Variants in CSMD3 observed in about 807,000 individuals in gnomAD.
CSMD3 encodes CUB and Sushi multiple domains 3.
In CSMD3, 177 loss-of-function variants were observed where a neutral mutation model predicts 435.2. The observed-to-expected ratio is 0.41, with a 90% CI of 0.36 to 0.46. CSMD3 has a LOEUF of 0.46. CSMD3 is among the 20% of genes least tolerant of loss of function. The pLI is 0.34. For synonymous variants in CSMD3, 1,656 were observed against 1,520.5 expected, an observed-to-expected ratio of 1.09 and a Z score of -2.07; for missense variants, 4,265 against 4,504.6, an observed-to-expected ratio of 0.95 and a Z score of 1.52.
chr8:112,503,696 A>T lies in CSMD3; in HGVS notation c.5083+94T>A, dbSNP rs923614761. 7 of 822,660 alleles carry T rather than the reference A, an allele frequency of 8.5e-6. No homozygotes were observed. The Admixed American group carries it at 1.4e-4, about 17-fold the overall frequency. 51.0% of individuals were successfully genotyped at this position (822,660 alleles called of 1,614,324 possible). On this transcript the variant is annotated intron_variant, in intron 30 of 70. Coordinates refer to ENST00000297405, the MANE Select transcript of CSMD3 (RefSeq NM_198123.2). Reference sequence around the variant, plus strand: ...ATCTGCATTTAAAAATACACATAAAACTAACCACTAACAATGGGCCATACC... The same window carrying T: ...ATCTGCATTTAAAAATACACATAAATCTAACCACTAACAATGGGCCATACC...
chr8:112,365,740 A>G (rs890881225), intron 38 of CSMD3, among the ~76,000 whole-genome samples: 10 of 152,148 alleles, frequency 6.6e-5, no homozygotes, highest in African/African-American at 2.4e-4. Context: ...TTACAAATGG[A>G]TAACTCATTT....
rs74433040 is a variant in CSMD3, at chr8:112,727,791, G to A, written c.1973-37741C>T. On this transcript the variant is annotated intron_variant, in intron 13 of 70. Transcript: ENST00000297405. ...ACCCATATCTTATTCAAAATGAAGT[G>A]GAACAGTAAAATACTGTCGGATTCT... 4.1e-3 allele frequency among the ~76,000 whole-genome samples: 616 copies of A among 151,628 alleles called. 3 individuals are homozygous for A. Among genetic ancestry groups the A allele is most frequent in the African/African-American group, 0.014 (584 of 41,410 alleles).
chr8:112,590,582 T>C (rs1310438270), intron 22 of CSMD3, among the ~76,000 whole-genome samples: 2 of 152,124 alleles, frequency 1.3e-5, no homozygotes, highest in Non-Finnish European at 2.9e-5. Flanking sequence ...AGAAATGTTC[T>C]TTCTTAGGTG....
chr8:112,536,322 A>T (rs867477856), intron 27 of CSMD3, among the ~76,000 whole-genome samples: 24 of 152,210 alleles, frequency 1.6e-4, no homozygotes, highest in Admixed American at 1.4e-3. Flanking sequence ...AAACAAATTT[A>T]CAAGAAAAAC....
chr8:113,246,919 G>T (rs2132274443), intron 3 of CSMD3, among the ~76,000 whole-genome samples: 1 of 152,274 alleles, frequency 6.6e-6, no homozygotes, highest in South Asian at 2.1e-4. Context: ...TTGTTTGTGT[G>T]CTGGGATACA....
At chr8:113,360,108 T>C (rs1254960155) in intron 1 of CSMD3, among the ~76,000 whole-genome samples, 1 of 152,202 alleles carries the variant, frequency 6.6e-6, no homozygotes, top group Non-Finnish European at 1.5e-5. Context: ...ACACTTTTAC[T>C]GTATATAGTG....
chr8:113,190,183 G>A (rs927934700), intron 3 of CSMD3, among the ~76,000 whole-genome samples: 35 of 151,708 alleles, frequency 2.3e-4, no homozygotes, highest in African/African-American at 8.2e-4. Context: ...CCTACTGAAC[G>A]CTAAAAATTG....
At chr8:113,248,508 T>C (rs1265778628) in intron 3 of CSMD3, among the ~76,000 whole-genome samples, 1 of 136,340 alleles carries the variant, frequency 7.3e-6, no homozygotes, top group African/African-American at 2.8e-5. Context: ...CACACACATA[T>C]ATTTCCATAT....
intron 21 of CSMD3, 114 bp downstream of exon 21, chr8:112,638,582 A>G (rs1586860567): frequency 2.8e-6 from 2 of 708,568 alleles, no homozygotes; most frequent in African/African-American, 3.6e-5. Context: ...TCTTTTTAAA[A>G]TTTTTCTTCT....
At chr8:112,870,256 G>C (rs1021341866) in intron 10 of CSMD3, among the ~76,000 whole-genome samples, 2 of 150,094 alleles carry the variant, frequency 1.3e-5, no homozygotes, top group Middle Eastern at 3.4e-3. Context: ...ACCATCTCAC[G>C]TCAGTCAGAA....
At chr8:113,404,327 A>G (rs1418295088) in intron 1 of CSMD3, among the ~76,000 whole-genome samples, 1 of 151,462 alleles carries the variant, frequency 6.6e-6, no homozygotes, top group Admixed American at 6.6e-5. Flanking sequence ...TAAGTTGTTT[A>G]AAACAACTTA....
chr8:112,428,768 G>A (rs905983548), intron 32 of CSMD3, among the ~76,000 whole-genome samples: 2 of 152,042 alleles, frequency 1.3e-5, no homozygotes, highest in Admixed American at 1.3e-4. Flanking sequence ...AGGCTCATCT[G>A]TTCCGTGGAT....
In CSMD3 at chr8:113,355,952, A is replaced by G. The variant is rs958606253; in HGVS notation, c.179-41159T>C. Among the ~76,000 whole-genome samples, 5 of 151,144 alleles carry G rather than the reference A, an allele frequency of 3.3e-5. No individual in the cohort carries two copies. The South Asian group carries it at 6.3e-4, about 19-fold the overall frequency. On this transcript the variant is annotated intron_variant, in intron 1 of 70. Transcript: ENST00000297405. ...AGTGGAATTGTATACTTAAAAATGTATGAGTAAACCTTAAAATCATGTTAG... is the reference window on the plus strand; with the variant it reads ...AGTGGAATTGTATACTTAAAAATGTGTGAGTAAACCTTAAAATCATGTTAG...
At position 112,314,459 on chromosome 8, in the gene CSMD3, T is replaced by C. The variant is rs938970754; in HGVS notation, c.7519A>G (p.Lys2507Glu). 1 of 1,611,822 alleles carries C rather than the reference T, an allele frequency of 6.2e-7. No homozygotes were observed. The change falls in exon 48 of 71, where the codon AAG (lysine) becomes GAG (glutamate). Residue 2507 changes from lysine to glutamate, a missense_variant. Around this residue, in one of 3 missense-constraint regions of CSMD3, gnomAD observed 3,255 missense variants for 3,380.2 expected, o/e 0.96. Transcript: ENST00000297405. ...TACACCTGAAGAACATCAAATTCCT[T>C]TTCTGTCTGGAAGAATTCTACAAAC... ...TMFVEFFQTE[K>E]EFDVLQVYDG...
chr8:112,936,118 G>C (rs180910502), intron 9 of CSMD3, among the ~76,000 whole-genome samples: 2 of 152,000 alleles, frequency 1.3e-5, no homozygotes, highest in Middle Eastern at 3.4e-3. Flanking sequence ...AGACTTCCTC[G>C]CTTCTGCTAT....
chr8:112,343,847 C>T (rs1204891881), intron 41 of CSMD3, among the ~76,000 whole-genome samples: 13 of 151,806 alleles, frequency 8.6e-5, no homozygotes, highest in Admixed American at 7.9e-4. Flanking sequence ...CAGAGCCTCA[C>T]TATGTTGCCC....
rs146844220 is a variant in CSMD3 at position 112,305,867 on chromosome 8, G to C, written c.8071+140C>G. The stretch of plus-strand genomic sequence containing the variant: ...TTCTAGTACTTCATTGTACAAGATA[G>C]CTTACTTAACTTTTATTTCTGACTT... On this transcript the variant is annotated intron_variant, in intron 51 of 70. Coordinates refer to ENST00000297405, the MANE Select transcript of CSMD3 (RefSeq NM_198123.2). 6.8e-4 allele frequency: 511 copies of C among 753,274 alleles called. 6 individuals carry two copies. In the East Asian group the frequency reaches 0.01, roughly 15 times the overall value. 46.7% of individuals were successfully genotyped at this position (753,274 alleles called of 1,614,324 possible).
chr8:112,348,334 T>A (rs1825847085), intron 40 of CSMD3, among the ~76,000 whole-genome samples: 1 of 152,246 alleles, frequency 6.6e-6, no homozygotes, highest in African/African-American at 2.4e-5. Context: ...TGTTTTTTCA[T>A]CTTAGTTGTC....
chr8:112,557,275 C>T lies in CSMD3; in HGVS notation c.4043-321G>A, dbSNP rs528349798. ...GATTCTGAGTGATACCATGATATAA[C>T]AACAAGTATATATTTGTTCTTTGTC... On this transcript the variant is annotated intron_variant, in intron 24 of 70. Coordinates refer to ENST00000297405, the MANE Select transcript of CSMD3 (RefSeq NM_198123.2). 2.6e-5 allele frequency among the ~76,000 whole-genome samples: 4 copies of T among 152,030 alleles called. No individual in the cohort carries two copies. The South Asian group carries it at 8.3e-4, about 31-fold the overall frequency.
Sources: allele counts gnomAD v4.1 joint callset (sites outside exome capture counted in the v4.1 genomes callset), GRCh38; gene constraint gnomAD v4.1.1; regional missense constraint gnomAD v4.1.1; transcripts MANE v1.5; gene names NCBI Gene and HGNC (gene_info 2026-07-23, HGNC 2026-07-21).